The following ASB3 variants were observed in gnomAD, a reference collection of about 807,000 sequenced individuals.
ASB3 encodes ankyrin repeat and SOCS box protein 3.
Under a neutral mutation model 54.5 loss-of-function variants are expected in ASB3, and 41 were observed. That is an observed-to-expected ratio of 0.75 (90% CI 0.59 to 0.98). The LOEUF (loss-of-function observed/expected upper bound fraction) is 0.98. Ranked by LOEUF, ASB3 falls within the 50% of genes least tolerant of loss-of-function variation. The probability of loss-of-function intolerance (pLI) is 0.00; values close to 1 mark genes in which losing one functional copy is unlikely to be tolerated. For missense variants in ASB3, 733 were observed against 620.0 expected, an observed-to-expected ratio of 1.18 and a Z score of -1.94; for synonymous variants, 266 against 221.2, an observed-to-expected ratio of 1.20 and a Z score of -1.80.
intron 1 of ASB3, among the ~76,000 whole-genome samples, chr2:53,778,568 C>T (rs2104204211): frequency 6.6e-6 from 1 of 152,266 alleles, no homozygotes; most frequent in East Asian, 1.9e-4. Context: ...CCCTGGTAAC[C>T]ACTGTTCTAC....
intron 7 of ASB3, among the ~76,000 whole-genome samples, chr2:53,713,499 G>A (rs1670218973): frequency 6.6e-6 from 1 of 152,134 alleles, no homozygotes; most frequent in Non-Finnish European, 1.5e-5. Context: ...AAAGTTACTG[G>A]CCAGACACTA....
intron 9 of ASB3, among the ~76,000 whole-genome samples, chr2:53,673,626 C>A (rs1481620856): frequency 6.6e-6 from 1 of 152,148 alleles, no homozygotes; most frequent in Non-Finnish European, 1.5e-5. Flanking sequence ...TGTGGCACAT[C>A]AACAACATAG....
intron 1 of ASB3, chr2:53,767,890 T>A: frequency 6.2e-7 from 1 of 1,610,272 alleles, no homozygotes; most frequent in Non-Finnish European, 8.5e-7. Context: ...CGAGAAGATG[T>A]GGGTTTTTGG....
chr2:53,775,254 C>T (rs1434034785), intron 1 of ASB3: 1 of 152,494 alleles, frequency 6.6e-6, no homozygotes, highest in Non-Finnish European at 1.5e-5. Context: ...AAAAGATGGG[C>T]TGATACTACA....
At position 53,742,200 on chromosome 2, in the gene ASB3, T is replaced by C. The variant is rs147738966; in HGVS notation, c.355+8583A>G. On this transcript the variant is annotated intron_variant, in intron 3 of 9. Coordinates refer to ENST00000263634, the MANE Select transcript of ASB3 (RefSeq NM_016115.5). ...AAATCCCACAGCTGCCAACCCCCAA[T>C]GGCTAGTGAAAGATACTAGCTAAAT... 4.3e-4 allele frequency among the ~76,000 whole-genome samples: 65 copies of C among 152,284 alleles called. 1 individual carries two copies. In the East Asian group the frequency reaches 9.6e-3, roughly 23 times the overall value.
In ASB3 at chr2:53,678,706, G is replaced by C. The variant is rs10194825; in HGVS notation, c.1370-8016C>G. 9.7e-3 allele frequency among the ~76,000 whole-genome samples: 1,474 copies of C among 152,292 alleles called. 25 individuals are homozygous for C. The highest frequency in any genetic ancestry group is 0.034 in the African/African-American group (1,409 of 41,548). On this transcript the variant is annotated intron_variant, in intron 9 of 9. Transcript: ENST00000263634. ...AAGTGGAGGATGGGAAGAGAGATAA[G>C]TCCTCGGGAATCCCCATTCTACCAT...
chr2:53,684,762 C>T (rs913135536), intron 9 of ASB3, among the ~76,000 whole-genome samples: 5 of 152,138 alleles, frequency 3.3e-5, no homozygotes, highest in Admixed American at 3.3e-4. Flanking sequence ...TCTGCAAATG[C>T]AATGCAGTTT....
chr2:53,696,983 A>T (rs1669217366), intron 8 of ASB3, among the ~76,000 whole-genome samples: 1 of 152,150 alleles, frequency 6.6e-6, no homozygotes, highest in Non-Finnish European at 1.5e-5. Context: ...ATCCCCAGGA[A>T]ATTAAGGCAT....
chr2:53,711,386 A>G (rs1202242045), intron 7 of ASB3, among the ~76,000 whole-genome samples: 2 of 152,128 alleles, frequency 1.3e-5, no homozygotes, highest in Non-Finnish European at 2.9e-5. Context: ...AGTGCTCTCT[A>G]TATTAAACAA....
intron 1 of ASB3, among the ~76,000 whole-genome samples, chr2:53,772,145 C>T (rs1673965943): frequency 6.6e-6 from 1 of 151,936 alleles, no homozygotes; most frequent in Non-Finnish European, 1.5e-5. Flanking sequence ...AGGTAGACAA[C>T]AACGTACAGA....
chr2:53,784,614 C>T (rs73937408), intron 1 of ASB3, among the ~76,000 whole-genome samples: 1,794 of 152,272 alleles, frequency 0.012, 39 homozygotes, highest in African/African-American at 0.041. Flanking sequence ...CAATCTTTAG[C>T]ATTCCTTGTC....
At chr2:53,707,516 C>T (rs780458494) in intron 7 of ASB3, among the ~76,000 whole-genome samples, 12 of 151,442 alleles carry the variant, frequency 7.9e-5, no homozygotes, top group Non-Finnish European at 1.2e-4. Context: ...CGCGTGATGG[C>T]GGGCACCTGT....
intron 1 of ASB3, among the ~76,000 whole-genome samples, chr2:53,785,100 T>G (rs1338188252): frequency 6.6e-6 from 1 of 152,260 alleles, no homozygotes; most frequent in Non-Finnish European, 1.5e-5. Context: ...CCTAGAAATT[T>G]GTCTGGCTCC....
Position 53,765,569 on chromosome 2 carries a change from C to A in ASB3, c.4G>T (p.Asp2Tyr). 1 of 1,614,188 alleles carries A rather than the reference C, an allele frequency of 6.2e-7. No individual in the cohort carries two copies. The highest frequency in any genetic ancestry group is 8.5e-7 in the Non-Finnish European group (1 of 1,180,028). Residue 2 changes from aspartate to tyrosine, a missense_variant, in exon 2 of 10, where the codon GAT becomes TAT. Coordinates refer to ENST00000263634, the MANE Select transcript of ASB3 (RefSeq NM_016115.5). ...GTGTCCGCGTAAGCCTCTGTAAAAT[C>A]CATTTGTTTGACCAGTCTACAAAAC... M[D>Y]FTEAYADTCS...
At chr2:53,721,503 G>A (rs920650554) in intron 5 of ASB3, among the ~76,000 whole-genome samples, 4 of 151,994 alleles carry the variant, frequency 2.6e-5, no homozygotes, top group African/African-American at 7.2e-5. Flanking sequence ...CCTGGGAGGC[G>A]GAGGTTGCGG....
At chr2:53,673,593 C>T (rs371053286) in intron 9 of ASB3, among the ~76,000 whole-genome samples, 1 of 152,126 alleles carries the variant, frequency 6.6e-6, no homozygotes, top group Non-Finnish European at 1.5e-5. Flanking sequence ...TTAGGAGAAG[C>T]GTAACTGACT....
chr2:53,707,658 A>G (rs1044208992), intron 7 of ASB3, among the ~76,000 whole-genome samples: 4 of 149,816 alleles, frequency 2.7e-5, no homozygotes, highest in African/African-American at 9.9e-5. Context: ...AAAAAAAAAA[A>G]AAAGAAAGAA....
At chr2:53,751,627 G>A (rs947909764) in intron 2 of ASB3, among the ~76,000 whole-genome samples, 1 of 151,984 alleles carries the variant, frequency 6.6e-6, no homozygotes, top group African/African-American at 2.4e-5. Context: ...GGGCTCTAAA[G>A]TGAAGGGTGA....
Position 53,716,693 on chromosome 2 carries a change from C to G in ASB3, c.655G>C (p.Ala219Pro). 2 of 1,614,110 alleles carry G rather than the reference C, an allele frequency of 1.2e-6. No individual in the cohort carries two copies. Among genetic ancestry groups the G allele is most frequent in the Non-Finnish European group, 1.7e-6 (2 of 1,180,004 alleles). ...ALDKATPLFI[A>P]AQEGHTKCVE... ...CATTTTGTGTGTCCCTCTTGAGCAG[C>G]AATGAACAAGGGTGTAGCTTTGTCC... The change falls in exon 6 of 10, where the codon GCT (alanine) becomes CCT (proline). Residue 219 changes from alanine to proline, a missense_variant. Transcript: ENST00000263634.
Sources: allele counts gnomAD v4.1 joint callset (sites outside exome capture counted in the v4.1 genomes callset), GRCh38; gene constraint gnomAD v4.1.1; transcripts MANE v1.5; gene names NCBI Gene and HGNC (gene_info 2026-07-23, HGNC 2026-07-21).